Variants in GRID2 observed in about 807,000 individuals in gnomAD.
The protein encoded by GRID2 is glutamate ionotropic receptor delta type subunit 2.
In GRID2, 33 loss-of-function variants were observed where a neutral mutation model predicts 114.8. The ratio of observed to expected loss-of-function variants is 0.29; its 90% CI spans 0.22 to 0.38. The LOEUF (loss-of-function observed/expected upper bound fraction) is 0.38, where lower values mean the gene tolerates loss of function less well. GRID2 is among the 10% of genes least tolerant of loss of function. The probability of loss-of-function intolerance (pLI) is 1.00; values close to 1 mark genes in which losing one functional copy is unlikely to be tolerated. For synonymous variants in GRID2, 505 were observed against 449.9 expected (o/e 1.12, Z -1.55); for missense variants, 1,184 against 1,257.7 (o/e 0.94, Z 0.89).
chr4:92,727,573 A>G (rs946296047), intron 2 of GRID2, among the ~76,000 whole-genome samples: 9 of 152,128 alleles, frequency 5.9e-5, no homozygotes, highest in Non-Finnish European at 1.3e-4. Context: ...TCAATAATGT[A>G]TATACCATAT....
At chr4:92,986,589 C>T (rs1358144940) in intron 2 of GRID2, among the ~76,000 whole-genome samples, 1 of 152,062 alleles carries the variant, frequency 6.6e-6, no homozygotes, top group Non-Finnish European at 1.5e-5. Flanking sequence ...TGTTAACTTT[C>T]TGGTTTCCAT....
chr4:93,318,144 T>C (rs910357585), intron 8 of GRID2, among the ~76,000 whole-genome samples: 2 of 151,270 alleles, frequency 1.3e-5, no homozygotes, highest in African/African-American at 4.8e-5. Context: ...CTGTTAGCCT[T>C]GTAAACTTTC....
intron 4 of GRID2, among the ~76,000 whole-genome samples, chr4:93,112,901 G>A (rs1187141252): frequency 3.3e-5 from 5 of 152,056 alleles, no homozygotes; most frequent in South Asian, 2.1e-4. Flanking sequence ...GACATCAGTC[G>A]TTTGGATGAG....
intron 14 of GRID2, among the ~76,000 whole-genome samples, chr4:93,676,002 G>A (rs1256331761): frequency 6.6e-6 from 1 of 152,130 alleles, no homozygotes; most frequent in Non-Finnish European, 1.5e-5. Context: ...ACAGTATTTT[G>A]AAATTCAAGA....
chr4:93,503,210 A>G (rs1728294947), intron 12 of GRID2, among the ~76,000 whole-genome samples: 1 of 152,122 alleles, frequency 6.6e-6, no homozygotes, highest in South Asian at 2.1e-4. Flanking sequence ...GTAGTGATGA[A>G]AATCAGCAAG....
Position 93,772,376 on chromosome 4 carries a change from A to G in GRID2, c.2902A>G (p.Arg968Gly), listed in dbSNP as rs1005565139. The part of the protein sequence containing the change: ...PEHRTGPFRH[R>G]APNGGFFRSP... ...GCACCGAACTGGCCCTTTTAGGCAC[A>G]GGGCACCTAATGGGGGCTTTTTCAG... The change falls in exon 16 of 16, where the codon AGG becomes GGG. Residue 968 changes from arginine (R) to glycine (G), a missense_variant. By Grantham distance (125) the Arg-to-Gly change is moderately radical. Transcript: ENST00000282020. 6.2e-7 allele frequency: 1 copy of G among 1,614,072 alleles called. No homozygotes were observed. The highest frequency in any genetic ancestry group is 8.5e-7 in the Non-Finnish European group (1 of 1,179,958).
At chr4:92,703,645 A>ATATATATATATATATATATAT (rs1734794212) in intron 2 of GRID2, among the ~76,000 whole-genome samples, 4 of 146,386 alleles carry the variant, frequency 2.7e-5, no homozygotes, top group African/African-American at 1.0e-4. Context: ...ATATATATAT[A>ATATATATATATATATATATAT]AAATCATGAG....
chr4:93,209,781 A>G (rs968231525), intron 5 of GRID2, among the ~76,000 whole-genome samples: 2 of 152,040 alleles, frequency 1.3e-5, no homozygotes, highest in African/African-American at 4.8e-5. Flanking sequence ...TTGACTTTTT[A>G]ATAATAGCCA....
At chr4:92,393,149 A>G (rs1421563993) in intron 1 of GRID2, among the ~76,000 whole-genome samples, 1 of 152,098 alleles carries the variant, frequency 6.6e-6, no homozygotes, top group Non-Finnish European at 1.5e-5. Flanking sequence ...CACACTTTAA[A>G]ATGACTAGAT....
At chr4:93,452,475 G>T (rs1401589999) in intron 10 of GRID2, among the ~76,000 whole-genome samples, 2 of 152,102 alleles carry the variant, frequency 1.3e-5, no homozygotes, top group African/African-American at 2.4e-5. Flanking sequence ...AAGAAACAAA[G>T]AATCTTTTAA....
At chr4:93,421,255 A>G (rs1309107665) in intron 9 of GRID2, among the ~76,000 whole-genome samples, 1 of 152,138 alleles carries the variant, frequency 6.6e-6, no homozygotes, top group Non-Finnish European at 1.5e-5. Flanking sequence ...AGAATTAGTC[A>G]CATGGCCATG....
intron 10 of GRID2, among the ~76,000 whole-genome samples, chr4:93,435,537 G>A (rs1248017073): frequency 6.6e-6 from 1 of 152,140 alleles, no homozygotes; most frequent in Non-Finnish European, 1.5e-5. Context: ...TTGGCCAGGA[G>A]TTGCAGAATG....
At chr4:92,866,462 G>T (rs1744870296) in intron 2 of GRID2, among the ~76,000 whole-genome samples, 1 of 152,062 alleles carries the variant, frequency 6.6e-6, no homozygotes, top group South Asian at 2.1e-4. Context: ...TGTCCAATTG[G>T]TGTCAGCAGA....
At chr4:92,453,975 A>AC (rs1721078259) in intron 1 of GRID2, among the ~76,000 whole-genome samples, 1 of 152,188 alleles carries the variant, frequency 6.6e-6, no homozygotes, top group East Asian at 1.9e-4. Context: ...TGTGCACTAA[A>AC]CCACAGCATG....
chr4:93,633,784 T>C lies in GRID2; in HGVS notation c.2360+7349T>C, dbSNP rs115355006. On this transcript the variant is annotated intron_variant, in intron 14 of 15. Coordinates refer to ENST00000282020, the MANE Select transcript of GRID2 (RefSeq NM_001510.4). ...CTCCCTGCTGTAATAATTTTTATGCTTTTTCCCACAAGGAAAGTAAAAAAC... is the reference window on the plus strand; with the variant it reads ...CTCCCTGCTGTAATAATTTTTATGCCTTTTCCCACAAGGAAAGTAAAAAAC... Among the ~76,000 whole-genome samples, 828 of 152,264 alleles carry C rather than the reference T, an allele frequency of 5.4e-3. 8 individuals are homozygous for C. Among genetic ancestry groups the C allele is most frequent in the African/African-American group, 0.019 (809 of 41,550 alleles).
intron 2 of GRID2, among the ~76,000 whole-genome samples, chr4:92,920,257 G>T (rs1003356789): frequency 1.3e-5 from 2 of 152,102 alleles, no homozygotes; most frequent in Non-Finnish European, 2.9e-5. Context: ...ACGTGAGATA[G>T]GTTTCCTGAA....
At chr4:92,637,949 G>A (rs572560147) in intron 2 of GRID2, among the ~76,000 whole-genome samples, 2 of 151,914 alleles carry the variant, frequency 1.3e-5, no homozygotes, top group Non-Finnish European at 2.9e-5. Flanking sequence ...ACATGTGAAT[G>A]CAAATTTGCA....
chr4:92,569,454 A>G (rs1024371793), intron 1 of GRID2, among the ~76,000 whole-genome samples: 2 of 152,058 alleles, frequency 1.3e-5, no homozygotes, highest in African/African-American at 4.8e-5. Context: ...TATCTTTATA[A>G]TAAAATGATT....
At chr4:93,200,962 T>C (rs1410347224) in intron 4 of GRID2, among the ~76,000 whole-genome samples, 1 of 152,200 alleles carries the variant, frequency 6.6e-6, no homozygotes, top group African/African-American at 2.4e-5. Context: ...GTTTACCATA[T>C]ACCATTATCT....
Sources: gnomAD v4.1 joint callset for allele counts (sites outside exome capture counted in the v4.1 genomes callset) on GRCh38, gnomAD v4.1.1 for gene constraint, MANE v1.5 for transcripts, NCBI Gene and HGNC (gene_info 2026-07-23, HGNC 2026-07-21) for gene names.